Variants in SPCS2 observed in about 807,000 individuals in gnomAD.
SPCS2 encodes the protein SPase 25 kDa subunit.
Under a neutral mutation model 22.3 loss-of-function variants are expected in SPCS2, and 3 were observed. The observed-to-expected ratio is 0.13, with a 90% CI of 0.06 to 0.35. SPCS2 has a LOEUF of 0.35. Ranked by LOEUF, SPCS2 falls within the 10% of genes least tolerant of loss-of-function variation. The pLI is 1.00. For missense variants in SPCS2, 169 were observed against 280.9 expected (o/e 0.60, Z 2.85); for synonymous variants, 67 against 97.2 (o/e 0.69, Z 1.83).
intron 1 of SPCS2, among the ~76,000 whole-genome samples, chr11:74,958,378 A>C (rs896024675): frequency 6.6e-6 from 1 of 152,228 alleles, no homozygotes; most frequent in Admixed American, 6.5e-5. Context: ...TGTTGCTAAG[A>C]GCATAATCTC....
intron 4 of SPCS2, among the ~76,000 whole-genome samples, chr11:74,974,690 C>T (rs1354274488): frequency 6.6e-6 from 1 of 152,192 alleles, no homozygotes; most frequent in Non-Finnish European, 1.5e-5. Context: ...TCTCGGCTCG[C>T]TGCAAGCTCC....
intron 4 of SPCS2, among the ~76,000 whole-genome samples, chr11:74,973,465 T>G (rs1948598542): frequency 1.3e-5 from 2 of 152,228 alleles, no homozygotes; most frequent in Admixed American, 6.5e-5. Context: ...TTTATTTTCA[T>G]AGACATACCC....
chr11:74,966,875 A>AC (rs1234187518), intron 3 of SPCS2, among the ~76,000 whole-genome samples: 1 of 151,842 alleles, frequency 6.6e-6, no homozygotes, highest in African/African-American at 2.4e-5. Context: ...CAATTCTCCC[A>AC]CCTCAACCTC....
chr11:74,968,226 T>A (rs1385519115), intron 3 of SPCS2: 1 of 152,258 alleles, frequency 6.6e-6, no homozygotes, highest in Non-Finnish European at 1.5e-5. Flanking sequence ...CCTGTCATCC[T>A]TGTGCTAGGG....
intron 1 of SPCS2, among the ~76,000 whole-genome samples, chr11:74,958,344 TA>T (rs111335058): frequency 1.3e-5 from 2 of 152,346 alleles, no homozygotes; most frequent in African/African-American, 4.8e-5. Flanking sequence ...TTATAAAAAA[TA>T]GATTGAAATT....
intron 1 of SPCS2, 106 bp from the exon 2 acceptor site, chr11:74,964,928 G>A: frequency 1.4e-6 from 1 of 702,764 alleles, no homozygotes; most frequent in East Asian, 2.8e-5. Flanking sequence ...AGAAGACAAA[G>A]AGTAAATATT....
intron 3 of SPCS2, 48 bp from the exon 4 acceptor site, chr11:74,969,517 T>G: frequency 6.4e-7 from 1 of 1,573,222 alleles, no homozygotes; most frequent in Non-Finnish European, 8.7e-7. Flanking sequence ...TCAATTTGTG[T>G]TACTTCTCTT....
Position 74,964,986 on chromosome 11 carries a change from G to A in SPCS2, c.115-48G>A, listed in dbSNP as rs145889661. On this transcript the variant is annotated intron_variant, in intron 1 of 4. Coordinates refer to ENST00000263672, the MANE Select transcript of SPCS2 (RefSeq NM_014752.3). ...TAAAAAATGGTTCATTTTACTTTCA[G>A]TAAGAGGCCAGGTTTCTTGATGCAC... The A allele has an allele frequency of 9.8e-4, 1,292 of 1,324,704 alleles. 16 individuals are homozygous for A. The African/African-American group carries it at 0.017, about 18-fold the overall frequency. 82.1% of individuals were successfully genotyped at this position (1,324,704 alleles called of 1,614,324 possible).
intron 1 of SPCS2, among the ~76,000 whole-genome samples, chr11:74,964,151 A>G (rs546183956): frequency 6.6e-6 from 1 of 152,332 alleles, no homozygotes; most frequent in Non-Finnish European, 1.5e-5. Context: ...GCTTTTCACT[A>G]TTACAGACAA....
chr11:74,962,759 G>T (rs772253653), intron 1 of SPCS2, among the ~76,000 whole-genome samples: 2 of 152,170 alleles, frequency 1.3e-5, no homozygotes, highest in Non-Finnish European at 2.9e-5. Flanking sequence ...CTGTGTTGCC[G>T]TAAAGTCAAA....
chr11:74,952,320 C>A (rs939783805), intron 1 of SPCS2, among the ~76,000 whole-genome samples: 1 of 151,988 alleles, frequency 6.6e-6, no homozygotes, highest in Non-Finnish European at 1.5e-5. Context: ...AGCCACATGA[C>A]CTTGGATAAG....
At chr11:74,967,525 G>A (rs1272531289) in intron 3 of SPCS2, among the ~76,000 whole-genome samples, 9 of 152,296 alleles carry the variant, frequency 5.9e-5, no homozygotes, top group East Asian at 1.9e-4. Context: ...CAAGGCGGGC[G>A]AATCACTTGA....
intron 1 of SPCS2, among the ~76,000 whole-genome samples, chr11:74,958,309 TC>T (rs1948491024): frequency 6.6e-6 from 1 of 152,264 alleles, no homozygotes; most frequent in African/African-American, 2.4e-5. Context: ...CTAGTAATTT[TC>T]TTTGCAGTGT....
intron 1 of SPCS2, among the ~76,000 whole-genome samples, chr11:74,956,853 TTTC>T (rs1290186916): frequency 6.6e-6 from 1 of 151,988 alleles, no homozygotes; most frequent in African/African-American, 2.4e-5. Flanking sequence ...AACCCTGGCT[TTTC>T]TGCTGTTCCT....
intron 3 of SPCS2, among the ~76,000 whole-genome samples, chr11:74,967,530 A>G (rs496698): frequency 0.81 from 123,374 of 152,168 alleles, 50,171 homozygotes; most frequent in African/African-American, 0.85. Flanking sequence ...CGGGCGAATC[A>G]CTTGAGCCCA....
intron 1 of SPCS2, among the ~76,000 whole-genome samples, chr11:74,956,647 AC>A (rs1334647397): frequency 6.6e-6 from 1 of 152,174 alleles, no homozygotes; most frequent in Admixed American, 6.5e-5. Flanking sequence ...TTTGTTCTCC[AC>A]ACAGCAGCCA....
At chr11:74,949,738 A>G (rs929099673) in intron 1 of SPCS2, 2 of 444,042 alleles carry the variant, frequency 4.5e-6, no homozygotes, top group South Asian at 1.6e-5. Context: ...TTTCACAGAC[A>G]CGGAAAACCG....
At chr11:74,964,022 A>G (rs1662950220) in intron 1 of SPCS2, among the ~76,000 whole-genome samples, 1 of 152,260 alleles carries the variant, frequency 6.6e-6, no homozygotes, top group African/African-American at 2.4e-5. Flanking sequence ...AAAAAATTTT[A>G]AAGGCACACA....
At chr11:74,950,771 C>G (rs1279384498) in intron 1 of SPCS2, among the ~76,000 whole-genome samples, 2 of 152,184 alleles carry the variant, frequency 1.3e-5, no homozygotes, top group Admixed American at 1.3e-4. Context: ...TCTCAAATTC[C>G]TGGGCCTCAA....
Sources: allele counts gnomAD v4.1 joint callset (sites outside exome capture counted in the v4.1 genomes callset), GRCh38; gene constraint gnomAD v4.1.1; transcripts MANE v1.5; gene names NCBI Gene and HGNC (gene_info 2026-07-23, HGNC 2026-07-21).